Variants in PHYHIPL observed in about 807,000 individuals in gnomAD.
The protein encoded by PHYHIPL is phytanoyl-CoA 2-hydroxylase interacting protein like.
In PHYHIPL, 9 loss-of-function variants were observed where a neutral mutation model predicts 33.4. The observed-to-expected ratio is 0.27, with a 90% CI of 0.16 to 0.47. PHYHIPL has a LOEUF of 0.47. Ranked by LOEUF, PHYHIPL falls within the 20% of genes least tolerant of loss-of-function variation. The pLI is 0.99. For synonymous variants in PHYHIPL, 153 were observed against 154.1 expected, an observed-to-expected ratio of 0.99 and a Z score of 0.05; for missense variants, 365 against 460.7, an observed-to-expected ratio of 0.79 and a Z score of 1.90.
chr10:59,220,711 G>A (rs1839745602), intron 1 of PHYHIPL, among the ~76,000 whole-genome samples: 1 of 152,008 alleles, frequency 6.6e-6, no homozygotes, highest in Non-Finnish European at 1.5e-5. Flanking sequence ...TAGTTCTAGA[G>A]CAACTATGGT....
At chr10:59,173,837 T>C (rs57313926), upstream of PHYHIPL, among the ~76,000 whole-genome samples, 20,341 of 151,346 alleles carry the variant, frequency 0.13, 1,505 homozygotes, top group South Asian at 0.2. Context: ...ACAGGGATTC[T>C]AGTTTCTTAT....
intron 1 of PHYHIPL, among the ~76,000 whole-genome samples, chr10:59,213,024 G>T (rs960787508): frequency 6.6e-6 from 1 of 152,054 alleles, no homozygotes; most frequent in African/African-American, 2.4e-5. Flanking sequence ...TTGTCTGTCA[G>T]CTCATAACTA....
chr10:59,190,696 T>C (rs1014795959), intron 1 of PHYHIPL, among the ~76,000 whole-genome samples: 10 of 151,892 alleles, frequency 6.6e-5, no homozygotes, highest in African/African-American at 2.4e-5. Context: ...GATAATCAAA[T>C]TGGTTTTCCC....
chr10:59,238,550 C>A (rs1290828226), intron 3 of PHYHIPL, 38 bp from the exon 4 acceptor site: 2 of 1,187,930 alleles, frequency 1.7e-6, no homozygotes, highest in Non-Finnish European at 1.3e-6. Context: ...ACTTTTGGTG[C>A]AATATTTTTA....
At chr10:59,177,590 T>G (rs183533536) in intron 1 of PHYHIPL, 1 of 1,551,672 alleles carries the variant, frequency 6.4e-7, no homozygotes, top group East Asian at 2.4e-5. Context: ...TGGCCTAATA[T>G]ATGTGCTGTG....
intron 4 of PHYHIPL, among the ~76,000 whole-genome samples, chr10:59,243,769 CA>C (rs1353005878): frequency 6.6e-6 from 1 of 151,330 alleles, no homozygotes; most frequent in Non-Finnish European, 1.5e-5. Context: ...AAACAAACAA[CA>C]AAAAAAAGAA....
chr10:59,238,727 T>A, intron 4 of PHYHIPL, 22 bp downstream of exon 4: 1 of 1,443,256 alleles, frequency 6.9e-7, no homozygotes, highest in Non-Finnish European at 9.7e-7. Context: ...AAATATATAG[T>A]GATTTGTTTT....
chr10:59,215,026 A>G (rs1042721189), intron 1 of PHYHIPL, among the ~76,000 whole-genome samples: 1 of 152,084 alleles, frequency 6.6e-6, no homozygotes. Flanking sequence ...TTTTCACATT[A>G]CACTCCTTTG....
upstream of PHYHIPL, among the ~76,000 whole-genome samples, chr10:59,175,487 G>T (rs1272169396): frequency 1.3e-5 from 2 of 152,120 alleles, no homozygotes; most frequent in African/African-American, 2.4e-5. Flanking sequence ...TGTTTGAAAT[G>T]GAAAATCAAT....
chr10:59,203,955 T>G (rs1469109135), intron 1 of PHYHIPL, among the ~76,000 whole-genome samples: 3 of 152,124 alleles, frequency 2.0e-5, no homozygotes, highest in Non-Finnish European at 4.4e-5. Flanking sequence ...AAATTGCTCA[T>G]TTAGATGCAT....
chr10:59,236,808 ATGT>A (rs1554800166), intron 3 of PHYHIPL, 151 bp downstream of exon 3: 1 of 582,598 alleles, frequency 1.7e-6, no homozygotes, highest in Non-Finnish European at 2.7e-6. Flanking sequence ...AGAATAAACA[ATGT>A]TGTATTGATT....
At chr10:59,206,903 G>C in intron 1 of PHYHIPL, 1 of 665,412 alleles carries the variant, frequency 1.5e-6, no homozygotes, top group Non-Finnish European at 2.0e-6. Flanking sequence ...ATTATGGAAA[G>C]TGTGACATGC....
chr10:59,242,884 A>AAT (rs1248505566), intron 4 of PHYHIPL, among the ~76,000 whole-genome samples: 3 of 152,178 alleles, frequency 2.0e-5, no homozygotes, highest in Non-Finnish European at 4.4e-5. Flanking sequence ...CTCACCGAAA[A>AAT]ATATATATCA....
At position 59,234,423 on chromosome 10, in the gene PHYHIPL, T is replaced by G; in HGVS notation, c.226T>G (p.Ser76Ala). Residue 76 changes from serine to alanine, a missense_variant, in exon 2 of 5, where the codon TCA becomes GCA. Ser to Ala is a moderately conservative substitution (Grantham distance 99). Around this residue, in one of 4 missense-constraint regions of PHYHIPL, gnomAD observed 63 missense variants for 119.3 expected, o/e 0.53. Coordinates refer to ENST00000373880, the MANE Select transcript of PHYHIPL (RefSeq NM_032439.4). ...FKISWEMDSK[S>A]KDRITHYFID... is the part of the protein sequence containing the mutation. ...GATTTCATGGGAAATGGATTCAAAATCAAAGGATCGCATTACACACTATTT... is the reference window on the plus strand; with the variant it reads ...GATTTCATGGGAAATGGATTCAAAAGCAAAGGATCGCATTACACACTATTT... 1 of 1,604,150 alleles carries G rather than the reference T, an allele frequency of 6.2e-7. No individual in the cohort carries two copies.
chr10:59,244,018 A>G (rs1179546495), intron 4 of PHYHIPL, among the ~76,000 whole-genome samples: 1 of 152,164 alleles, frequency 6.6e-6, no homozygotes, highest in African/African-American at 2.4e-5. Flanking sequence ...ACAATGCCCT[A>G]AAGCGTGGAG....
chr10:59,182,704 A>G (rs1273472861), intron 1 of PHYHIPL, among the ~76,000 whole-genome samples: 1 of 152,200 alleles, frequency 6.6e-6, no homozygotes, highest in Non-Finnish European at 1.5e-5. Context: ...AATGTATAGA[A>G]GAATAGGACA....
At chr10:59,241,349 C>T (rs1216493197) in intron 4 of PHYHIPL, among the ~76,000 whole-genome samples, 1 of 152,060 alleles carries the variant, frequency 6.6e-6, no homozygotes. Flanking sequence ...TTACTCAGTC[C>T]ATAAGAAATC....
chr10:59,182,358 AT>A (rs1382851685), intron 1 of PHYHIPL, among the ~76,000 whole-genome samples: 3 of 152,048 alleles, frequency 2.0e-5, no homozygotes, highest in African/African-American at 7.2e-5. Context: ...CATTATTATT[AT>A]TGAGACGGAG....
At chr10:59,230,713 A>C (rs573620587) in intron 1 of PHYHIPL, among the ~76,000 whole-genome samples, 1 of 152,276 alleles carries the variant, frequency 6.6e-6, no homozygotes, top group East Asian at 1.9e-4. Context: ...CATGTGCCCA[A>C]GGTGGTCAGG....
Sources: gnomAD v4.1 joint callset for allele counts (sites outside exome capture counted in the v4.1 genomes callset) on GRCh38, gnomAD v4.1.1 for gene constraint, gnomAD v4.1.1 regional missense constraint, MANE v1.5 for transcripts, NCBI Gene and HGNC (gene_info 2026-07-23, HGNC 2026-07-21) for gene names.